Variants in ADRA1D observed in about 807,000 individuals in gnomAD.
ADRA1D encodes adrenoceptor alpha 1D.
Under a neutral mutation model 18.6 loss-of-function variants are expected in ADRA1D, and 22 were observed. The observed-to-expected ratio is 1.19, with a 90% CI of 0.85 to 1.69. The LOEUF (loss-of-function observed/expected upper bound fraction) is 1.69, where lower values mean the gene tolerates loss of function less well. ADRA1D is among the 40% of genes most tolerant of loss of function. The pLI, the probability that ADRA1D is intolerant of heterozygous loss-of-function variation, is 0.00. For synonymous variants in ADRA1D, 376 were observed against 388.2 expected (o/e 0.97, Z 0.37); for missense variants, 840 against 840.7 (o/e 1.00, Z 0.01).
rs569564431 is a variant in ADRA1D at position 4,248,205 on chromosome 20, C to T, written c.753G>A (p.Glu251=). The part of the protein sequence containing the change: ...PDERFCGITE[E]AGYAVFSSVC... ...CGGAGGAGAAGACAGCGTAGCCCGC[C>T]TCCTCGGTGATACCGCAGAAGCGCT... is the stretch of plus-strand genomic sequence containing the variant. The change falls in exon 1 of 2, where the codon GAG becomes GAA. Residue 251 remains glutamate, a synonymous_variant. Transcript: ENST00000379453. The T allele has an allele frequency of 6.3e-7, 1 of 1,593,312 alleles. No individual in the cohort carries two copies.
intron 1 of ADRA1D, among the ~76,000 whole-genome samples, chr20:4,231,701 C>T (rs143407928): frequency 4.9e-4 from 74 of 152,174 alleles, no homozygotes; most frequent in Non-Finnish European, 7.8e-4. Flanking sequence ...TTCTAGTTAC[C>T]CAGAGAGCAA....
rs1555820747 is a variant in ADRA1D, at chr20:4,227,704, C to CTTCCTTCCTTCCTTCCTTCCTTCCTTCCT, written c.1112-5575_1112-5574insAGGAAGGAAGGAAGGAAGGAAGGAAGGAA. Among the ~76,000 whole-genome samples, 29 of 92,616 alleles carry CTTCCTTCCTTCCTTCCTTCCTTCCTTCCT rather than the reference C, an allele frequency of 3.1e-4. 1 individual carries two copies. The highest frequency in any genetic ancestry group is 1.2e-3 in the African/African-American group (27 of 22,128). The allele number at this position is 92,616 out of a possible 152,430, so 60.8% of individuals were successfully genotyped here. A position where few individuals can be genotyped will look rare whatever the true frequency, so the allele number is the denominator to read the frequency against. On this transcript the variant is annotated intron_variant, in intron 1 of 1. Transcript: ENST00000379453. ...CTTCCCTCTCTCCCTCCCTCCCTCC[C>CTTCCTTCCTTCCTTCCTTCCTTCCTTCCT]TCCTTCCTTCCTTCCTTCCTTCCTT...
chr20:4,234,218 G>A (rs907301346), intron 1 of ADRA1D, among the ~76,000 whole-genome samples: 5 of 152,348 alleles, frequency 3.3e-5, no homozygotes, highest in Admixed American at 3.3e-4. Flanking sequence ...GGAGCTGCTG[G>A]GACGCTGCTA....
At chr20:4,246,383 G>C (rs1981336908) in intron 1 of ADRA1D, among the ~76,000 whole-genome samples, 1 of 152,206 alleles carries the variant, frequency 6.6e-6, no homozygotes, top group Non-Finnish European at 1.5e-5. Context: ...TCTGAAGAGG[G>C]AACATTTAAG....
At chr20:4,244,584 T>C (rs1282892215) in intron 1 of ADRA1D, among the ~76,000 whole-genome samples, 2 of 152,186 alleles carry the variant, frequency 1.3e-5, no homozygotes. Flanking sequence ...CACACCAACA[T>C]ATACCAGCCC....
intron 1 of ADRA1D, among the ~76,000 whole-genome samples, chr20:4,241,655 G>A (rs946788404): frequency 3.3e-5 from 5 of 152,120 alleles, no homozygotes; most frequent in Non-Finnish European, 5.9e-5. Flanking sequence ...AGACAATGAT[G>A]CCATTACTGA....
At chr20:4,230,588 A>C (rs930584884) in intron 1 of ADRA1D, among the ~76,000 whole-genome samples, 1 of 152,164 alleles carries the variant, frequency 6.6e-6, no homozygotes, top group Non-Finnish European at 1.5e-5. Context: ...TCCACTCTGC[A>C]CACAGCTGCT....
rs1183531027 is a variant in ADRA1D at position 4,221,860 on chromosome 20, G to C, written c.1382C>G (p.Pro461Arg). The C allele has an allele frequency of 4.8e-6, 7 of 1,466,218 alleles. No homozygotes were observed. The highest frequency in any genetic ancestry group is 6.3e-6 in the Non-Finnish European group (7 of 1,118,156). The allele number at this position is 1,466,218 out of a possible 1,614,324, so 90.8% of individuals were successfully genotyped here. Residue 461 changes from proline to arginine, a missense_variant, in exon 2 of 2, where the codon CCG (proline) becomes CGG (arginine). Transcript: ENST00000379453. ...GTCGGGGAGCGCGGTGAGGGCCAGC[G>C]GCGCTCCGGGGGGCGCGTCGCCCGA... ...PSSGDAPPGA[P>R]LALTALPDPD...
intron 1 of ADRA1D, among the ~76,000 whole-genome samples, chr20:4,224,403 C>T (rs6107424): frequency 6.6e-6 from 1 of 152,102 alleles, no homozygotes; most frequent in South Asian, 2.1e-4. Context: ...AACATCTCCC[C>T]TGACATCCAT....
rs1210664311 is a variant in ADRA1D at position 4,221,174 on chromosome 20, G to A, written c.*349C>T. ...CCTATTTCCCAGAAGAGGAGGGGCA[G>A]GCCTTCCTGGCCATGCTTGGGGCTG... On this transcript the variant is annotated 3_prime_UTR_variant, in exon 2 of 2. Coordinates refer to ENST00000379453, the MANE Select transcript of ADRA1D (RefSeq NM_000678.4). 5.1e-6 allele frequency: 1 copy of A among 194,642 alleles called. No homozygotes were observed. Among genetic ancestry groups the A allele is most frequent in the Non-Finnish European group, 1.0e-5 (1 of 96,802 alleles). The allele number at this position is 194,642 out of a possible 1,614,324, so 12.1% of individuals were successfully genotyped here.
chr20:4,249,155 C>T lies in ADRA1D; in HGVS notation c.-198G>A, dbSNP rs1378448988. 1 of 248,014 alleles carries T rather than the reference C, an allele frequency of 4.0e-6. No homozygotes were observed. The highest frequency in any genetic ancestry group is 6.9e-6 in the Non-Finnish European group (1 of 145,610). 15.4% of individuals were successfully genotyped at this position (248,014 alleles called of 1,614,324 possible). ...TGGCCCGGGCGGCGGCCGGGCTCCC[C>T]GAGGCCGGCCGTGGAGTAGCACCGA... On this transcript the variant is annotated 5_prime_UTR_variant, in exon 1 of 2. Coordinates refer to ENST00000379453, the MANE Select transcript of ADRA1D (RefSeq NM_000678.4).
rs1980648279 is a variant in ADRA1D, at chr20:4,221,186, C to T, written c.*337G>A. 2 of 208,122 alleles carry T rather than the reference C, an allele frequency of 9.6e-6. No individual in the cohort carries two copies. Among genetic ancestry groups the T allele is most frequent in the African/African-American group, 4.6e-5 (2 of 43,644 alleles). 12.9% of individuals were successfully genotyped at this position (208,122 alleles called of 1,614,324 possible). A position where few individuals can be genotyped will look rare whatever the true frequency, so the allele number is the denominator to read the frequency against. On this transcript the variant is annotated 3_prime_UTR_variant, in exon 2 of 2. Transcript: ENST00000379453. ...AAGAGGAGGGGCAGGCCTTCCTGGC[C>T]ATGCTTGGGGCTGTCTACTCAGGGT...
chr20:4,229,611 G>C (rs1980906328), intron 1 of ADRA1D, among the ~76,000 whole-genome samples: 1 of 152,106 alleles, frequency 6.6e-6, no homozygotes, highest in Non-Finnish European at 1.5e-5. Context: ...AAGGCCCTGA[G>C]GTGGCTCCGG....
chr20:4,233,215 C>T (rs1347699640), intron 1 of ADRA1D, among the ~76,000 whole-genome samples: 1 of 152,046 alleles, frequency 6.6e-6, no homozygotes, highest in African/African-American at 2.4e-5. Context: ...AATCCCAGCA[C>T]TTTGGGAAGC....
At chr20:4,247,720 G>T in intron 1 of ADRA1D, 127 bp downstream of exon 1, 1 of 1,111,522 alleles carries the variant, frequency 9.0e-7, no homozygotes, top group Non-Finnish European at 1.2e-6. Flanking sequence ...CTGCCTCTTA[G>T]GAGACTCAGG....
intron 1 of ADRA1D, among the ~76,000 whole-genome samples, chr20:4,228,956 C>G (rs2122659949): frequency 6.6e-6 from 1 of 152,316 alleles, no homozygotes; most frequent in Admixed American, 6.5e-5. Context: ...GCTGCTTTGC[C>G]CCACATGTTC....
chr20:4,232,327 G>A lies in ADRA1D; in HGVS notation c.1112-10197C>T, dbSNP rs150533334. Among the ~76,000 whole-genome samples the A allele has an allele frequency of 4.5e-3, 692 of 152,332 alleles. 8 individuals carry two copies. The highest frequency in any genetic ancestry group is 0.016 in the African/African-American group (655 of 41,574). On this transcript the variant is annotated intron_variant, in intron 1 of 1. Coordinates refer to ENST00000379453, the MANE Select transcript of ADRA1D (RefSeq NM_000678.4). ...AACTCAGCCTAGAACCTTCTCCAAGGGTGTTCCTGTGATTGCCTGCTCCAC... is the reference window on the plus strand; with the variant it reads ...AACTCAGCCTAGAACCTTCTCCAAGAGTGTTCCTGTGATTGCCTGCTCCAC...
chr20:4,225,736 C>G (rs191520341), intron 1 of ADRA1D, among the ~76,000 whole-genome samples: 104 of 152,268 alleles, frequency 6.8e-4, no homozygotes, highest in African/African-American at 2.3e-3. Flanking sequence ...TATTACTTAC[C>G]TCCATTTCTG....
intron 1 of ADRA1D, among the ~76,000 whole-genome samples, chr20:4,238,266 CAAATA>C (rs768133126): frequency 3.3e-5 from 5 of 151,448 alleles, no homozygotes; most frequent in Admixed American, 6.6e-5. Flanking sequence ...AAATAAAAAA[CAAATA>C]AAATAAAATA....
Sources: gnomAD v4.1 joint callset for allele counts (sites outside exome capture counted in the v4.1 genomes callset) on GRCh38, gnomAD v4.1.1 for gene constraint, MANE v1.5 for transcripts, NCBI Gene and HGNC (gene_info 2026-07-23, HGNC 2026-07-21) for gene names.